NUP50: variants seen among roughly 807,000 people sequenced by gnomAD.
NUP50 encodes the protein nuclear pore complex protein Nup50.
NUP50 carries 14 observed loss-of-function variants against 36.8 expected under a neutral mutation model. The observed-to-expected ratio is 0.38, with a 90% CI of 0.25 to 0.59. The LOEUF (loss-of-function observed/expected upper bound fraction) is 0.59. Ranked by LOEUF, NUP50 falls within the 20% of genes least tolerant of loss-of-function variation. The probability of loss-of-function intolerance (pLI) is 0.63; values close to 1 mark genes in which losing one functional copy is unlikely to be tolerated. For missense variants in NUP50, 455 were observed against 564.6 expected (o/e 0.81, Z 1.97); for synonymous variants, 195 against 210.8 (o/e 0.93, Z 0.65).
intron 4 of NUP50, among the ~76,000 whole-genome samples, chr22:45,176,931 G>A (rs1384095650): frequency 6.6e-6 from 1 of 151,990 alleles, no homozygotes; most frequent in African/African-American, 2.4e-5. Flanking sequence ...TAGTAGAGAC[G>A]GGGTTTCACC....
Position 45,184,247 on chromosome 22 carries a change from C to T in NUP50, c.1205-206C>T, listed in dbSNP as rs992485141. ...GCAGAGACCCGGGCTGGAGGGAGGA[C>T]GGAAGGCCACTCCTCACAGTGAGGG... On this transcript the variant is annotated intron_variant, in intron 7 of 7. Coordinates refer to ENST00000347635, the MANE Select transcript of NUP50 (RefSeq NM_007172.4). The T allele has an allele frequency of 1.1e-4, 66 of 582,148 alleles. 1 individual carries two copies. Among genetic ancestry groups the T allele is most frequent in the Admixed American group, 2.2e-4 (7 of 31,114 alleles). The allele number at this position is 582,148 out of a possible 1,614,324, so 36.1% of individuals were successfully genotyped here. A position where few individuals can be genotyped will look rare whatever the true frequency, so the allele number is the denominator to read the frequency against.
chr22:45,173,454 A>G (rs1470956428), intron 3 of NUP50, among the ~76,000 whole-genome samples: 1 of 151,528 alleles, frequency 6.6e-6, no homozygotes, highest in Non-Finnish European at 1.5e-5. Flanking sequence ...GGGAAGATAC[A>G]TGGGGGGAGG....
chr22:45,171,937 A>G, intron 3 of NUP50: 2 of 424,474 alleles, frequency 4.7e-6, no homozygotes, highest in South Asian at 5.5e-5. Flanking sequence ...AAAATGAGCA[A>G]AGCAATACAG....
At chr22:45,181,472 G>A in intron 6 of NUP50, 105 bp downstream of exon 6, 2 of 610,992 alleles carry the variant, frequency 3.3e-6, no homozygotes, top group Admixed American at 3.6e-5. Context: ...CCAGTCTCGG[G>A]GTCAAGCTTT....
intron 1 of NUP50, 47 bp from the exon 2 acceptor site, chr22:45,168,121 A>C (rs2074123670): frequency 7.2e-7 from 1 of 1,383,692 alleles, no homozygotes; most frequent in South Asian, 1.3e-5. Flanking sequence ...TCTTTATAAG[A>C]ATTTATTCTT....
rs755298702 is a variant in NUP50, at chr22:45,181,289, G to A, written c.1007G>A (p.Gly336Glu). ...ATTATTGTCATTTTTATAAAAGGTG[G>A]AGATGAAGAAGAGAATGATGAGCCA... ...AEGDSGECKG[G>E]DEEENDEPPK... is the part of the protein sequence containing the mutation. Residue 336 changes from glycine (G) to glutamate (E), a missense_variant, in exon 6 of 8, where the codon GGA (glycine) becomes GAA (glutamate). Gly to Glu is a moderately conservative substitution (Grantham distance 98). Around this residue, in one of 3 missense-constraint regions of NUP50, gnomAD observed 287 missense variants for 345.5 expected, o/e 0.83. Transcript: ENST00000347635. The A allele has an allele frequency of 1.9e-5, 30 of 1,586,874 alleles. No homozygotes were observed. In the South Asian group the frequency reaches 2.8e-4, roughly 15 times the overall value.
chr22:45,187,958 C>T lies in NUP50; in HGVS notation c.*3303C>T, dbSNP rs2083467362. 1.3e-5 allele frequency: 2 copies of T among 152,652 alleles called. No homozygotes were observed. The highest frequency in any genetic ancestry group is 4.1e-4 in the South Asian group (2 of 4,828). 9.5% of individuals were successfully genotyped at this position (152,652 alleles called of 1,614,324 possible). ...GCTTGTATTAGTTTTTGAATGCTCC[C>T]ATCGAGGAAGTGTAACAATCCATGA... On this transcript the variant is annotated 3_prime_UTR_variant, in exon 8 of 8. Coordinates refer to ENST00000347635, the MANE Select transcript of NUP50 (RefSeq NM_007172.4).
intron 4 of NUP50, among the ~76,000 whole-genome samples, chr22:45,177,338 A>G (rs1484370767): frequency 6.6e-6 from 1 of 151,856 alleles, no homozygotes; most frequent in African/African-American, 2.4e-5. Context: ...ACACCACCAC[A>G]CTCAGCTAAT....
chr22:45,170,982 C>T (rs1275594687), intron 2 of NUP50: 2 of 1,303,748 alleles, frequency 1.5e-6, no homozygotes, highest in Non-Finnish European at 1.0e-6. Flanking sequence ...TATTCCGACC[C>T]TACAGGGTAA....
intron 1 of NUP50, among the ~76,000 whole-genome samples, chr22:45,165,655 A>G (rs2074084276): frequency 1.3e-5 from 2 of 152,236 alleles, no homozygotes; most frequent in South Asian, 4.1e-4. Flanking sequence ...GGGATTTGGT[A>G]AAATATTTGT....
At chr22:45,183,659 AGTTTT>A in intron 7 of NUP50, 139 bp downstream of exon 7, 1 of 650,176 alleles carries the variant, frequency 1.5e-6, no homozygotes, top group East Asian at 2.6e-5. Context: ...ACTTATTTAT[AGTTTT>A]GAGTCCCAGG....
Position 45,176,340 on chromosome 22 carries a change from CAG to C in NUP50, c.340+262_340+263del, listed in dbSNP as rs1335717180. 2.0e-5 allele frequency among the ~76,000 whole-genome samples: 3 copies of C among 152,282 alleles called. No homozygotes were observed. In the East Asian group the frequency reaches 5.8e-4, roughly 29 times the overall value. On this transcript the variant is annotated intron_variant, in intron 4 of 7. Coordinates refer to ENST00000347635, the MANE Select transcript of NUP50 (RefSeq NM_007172.4). ...TTGTGTGACCCTGGCCTCTAGGCCT[CAG>C]AATGTTCAATTTTGAAAGGAGAGTG...
At chr22:45,167,362 G>A (rs1338166541) in intron 1 of NUP50, among the ~76,000 whole-genome samples, 1 of 152,156 alleles carries the variant, frequency 6.6e-6, no homozygotes, top group Non-Finnish European at 1.5e-5. Context: ...TTGTTGTTAT[G>A]ATATTAAGAT....
Position 45,185,874 on chromosome 22 carries a change from A to T in NUP50, c.*1219A>T, listed in dbSNP as rs2074462593. Reference sequence around the variant, plus strand: ...ATGTTTAAATTTCCACTGAGTCCTCATGAATCATTTGAGACTAGTACCAGC... The same window carrying T: ...ATGTTTAAATTTCCACTGAGTCCTCTTGAATCATTTGAGACTAGTACCAGC... On this transcript the variant is annotated 3_prime_UTR_variant, in exon 8 of 8. Coordinates refer to ENST00000347635, the MANE Select transcript of NUP50 (RefSeq NM_007172.4). The T allele has an allele frequency of 6.6e-6, 1 of 152,080 alleles. No homozygotes were observed. Among genetic ancestry groups the T allele is most frequent in the Admixed American group, 6.5e-5 (1 of 15,268 alleles). The allele number at this position is 152,080 out of a possible 1,614,324, so 9.4% of individuals were successfully genotyped here. A position where few individuals can be genotyped will look rare whatever the true frequency, so the allele number is the denominator to read the frequency against.
chr22:45,179,137 C>A, intron 5 of NUP50: 2 of 414,394 alleles, frequency 4.8e-6, no homozygotes, highest in Non-Finnish European at 4.3e-6. Flanking sequence ...TTTGAAAACA[C>A]CTGACTTTGA....
chr22:45,166,283 C>CTTTTTTTTTTTTTTTTTTTTTT (rs71190641), intron 1 of NUP50: 3 of 121,946 alleles, frequency 2.5e-5, no homozygotes, highest in African/African-American at 6.8e-5. Flanking sequence ...TTTTCTTTTT[C>CTTTTTTTTTTTTTTTTTTTTTT]TTTTTTTTTT....
At position 45,178,817 on chromosome 22, in the gene NUP50, C is replaced by A. The variant is rs1377218236; in HGVS notation, c.920C>A (p.Thr307Asn). The A allele has an allele frequency of 6.2e-7, 1 of 1,613,960 alleles. No individual in the cohort carries two copies. Among genetic ancestry groups the A allele is most frequent in the African/African-American group, 1.3e-5 (1 of 74,912 alleles). Reference sequence around the variant, plus strand: ...AACTCCAGTTTATTTGGCAAAGATACTACCCAGAGTAAACCAGTCTCTTCA... The same window carrying A: ...AACTCCAGTTTATTTGGCAAAGATAATACCCAGAGTAAACCAGTCTCTTCA... ...PGNSSLFGKD[T>N]TQSKPVSSPF... Residue 307 changes from threonine to asparagine, a missense_variant, in exon 5 of 8, where the codon ACT becomes AAT. Physicochemically the swap from Thr to Asn is moderately conservative, Grantham distance 65. Around this residue, in one of 3 missense-constraint regions of NUP50, gnomAD observed 287 missense variants for 345.5 expected, o/e 0.83. Transcript: ENST00000347635.
At chr22:45,184,028 G>A in intron 7 of NUP50, 1 of 216,100 alleles carries the variant, frequency 4.6e-6, no homozygotes, top group East Asian at 1.2e-4. Context: ...TGACTAGGGA[G>A]TAATAACATG....
chr22:45,181,492 C>A, intron 6 of NUP50, 125 bp downstream of exon 6: 1 of 162,642 alleles, frequency 6.1e-6, no homozygotes, highest in South Asian at 8.3e-5. Context: ...TGCCTGCTCT[C>A]AAGTGGAACA....
Sources: gnomAD v4.1 joint callset for allele counts (sites outside exome capture counted in the v4.1 genomes callset) on GRCh38, gnomAD v4.1.1 for gene constraint, gnomAD v4.1.1 regional missense constraint, MANE v1.5 for transcripts, NCBI Gene and HGNC (gene_info 2026-07-23, HGNC 2026-07-21) for gene names.